Variants in SEC31A observed in about 807,000 individuals in gnomAD.
SEC31A encodes protein transport protein Sec31A.
Under a neutral mutation model 151.0 loss-of-function variants are expected in SEC31A, and 70 were observed. The ratio of observed to expected loss-of-function variants is 0.46; its 90% confidence interval spans 0.38 to 0.57. SEC31A has a LOEUF of 0.57. SEC31A is among the 20% of genes least tolerant of loss of function. The pLI, the probability that SEC31A is intolerant of heterozygous loss-of-function variation, is 0.00. For synonymous variants in SEC31A, 475 were observed against 505.9 expected (o/e 0.94, Z 0.82); for missense variants, 1,330 against 1,471.2 (o/e 0.90, Z 1.57).
At chr4:82,839,333 TA>T (rs1188302780) in intron 22 of SEC31A, among the ~76,000 whole-genome samples, 1 of 152,234 alleles carries the variant, frequency 6.6e-6, no homozygotes, top group Non-Finnish European at 1.5e-5. Context: ...GTGTTTTTCG[TA>T]GAGACGGGGT....
At chr4:82,825,951 T>C (rs1203997242) in intron 24 of SEC31A, among the ~76,000 whole-genome samples, 1 of 152,206 alleles carries the variant, frequency 6.6e-6, no homozygotes, top group Non-Finnish European at 1.5e-5. Context: ...GAAAAGATTA[T>C]GGTGCCACTC....
intron 9 of SEC31A, 40 bp from the exon 10 acceptor site, chr4:82,867,000 C>T: frequency 6.3e-7 from 1 of 1,587,710 alleles, no homozygotes; most frequent in Non-Finnish European, 8.5e-7. Context: ...CGACCATACA[C>T]AAAGTTTCAT....
At chr4:82,889,185 T>C (rs1367666592) in intron 1 of SEC31A, among the ~76,000 whole-genome samples, 1 of 152,224 alleles carries the variant, frequency 6.6e-6, no homozygotes, top group African/African-American at 2.4e-5. Flanking sequence ...TAATCTTCAG[T>C]ATAATAAAAC....
rs779584210 is a variant in SEC31A at position 82,874,608 on chromosome 4, TACTC to T, written c.638_639+2del. 1 of 1,603,048 alleles carries T rather than the reference TACTC, an allele frequency of 6.2e-7. No individual in the cohort carries two copies. The highest frequency in any genetic ancestry group is 1.8e-5 in the Admixed American group (1 of 55,374). ...GTTCATCACAAGTCAATCACATACTTACTCTGTTACTATGGTCACTGACTTTGAT... is the reference window on the plus strand; with the variant it reads ...GTTCATCACAAGTCAATCACATACTTTGTTACTATGGTCACTGACTTTGAT... On this transcript the variant is annotated splice_donor_variant and coding_sequence_variant, in exon 6 of 27. Coordinates refer to ENST00000395310, the MANE Select transcript of SEC31A (RefSeq NM_001077207.4). LOFTEE classifies it high-confidence loss of function.
chr4:82,836,484 G>T (rs1727336378), intron 22 of SEC31A, among the ~76,000 whole-genome samples: 1 of 151,748 alleles, frequency 6.6e-6, no homozygotes, highest in African/African-American at 2.4e-5. Context: ...TCTATCGGCA[G>T]ATGAATAACA....
At chr4:82,886,375 G>A (rs529583204) in intron 1 of SEC31A, among the ~76,000 whole-genome samples, 7 of 152,216 alleles carry the variant, frequency 4.6e-5, no homozygotes, top group African/African-American at 1.2e-4. Context: ...TTCTACATTC[G>A]TAAAATAGGG....
intron 1 of SEC31A, among the ~76,000 whole-genome samples, chr4:82,888,352 A>C (rs1176280483): frequency 1.6e-5 from 1 of 62,254 alleles, no homozygotes; most frequent in Non-Finnish European, 3.9e-5. Flanking sequence ...CTCCGTCTCA[A>C]AAAAAAAAAA....
chr4:82,878,716 G>A lies in SEC31A; in HGVS notation c.402+14C>T. The A allele has an allele frequency of 6.2e-7, 1 of 1,602,120 alleles. No individual in the cohort carries two copies. Among genetic ancestry groups the A allele is most frequent in the South Asian group, 1.1e-5 (1 of 90,762 alleles). ...GCACATAGTCTAAGAATTATGAAAT[G>A]TTAAAGTCTTAACCTGGAAAATGTT... On this transcript the variant is annotated intron_variant, in intron 4 of 26. Transcript: ENST00000395310.
rs2125911022 is a variant in SEC31A at position 82,886,071 on chromosome 4, T to A, written c.-4-4131A>T. ...CAGAGCCAAGATTGGAACTTGCAAG[T>A]TTAGCTCCAGAGTTCTTTCTACTTC... On this transcript the variant is annotated intron_variant, in intron 1 of 26. Coordinates refer to ENST00000395310, the MANE Select transcript of SEC31A (RefSeq NM_001077207.4). 2.0e-5 allele frequency among the ~76,000 whole-genome samples: 3 copies of A among 152,304 alleles called. No homozygotes were observed. In the South Asian group the frequency reaches 6.2e-4, roughly 32 times the overall value.
intron 24 of SEC31A, among the ~76,000 whole-genome samples, chr4:82,825,341 G>A (rs1724310496): frequency 6.6e-6 from 1 of 152,222 alleles, no homozygotes; most frequent in African/African-American, 2.4e-5. Flanking sequence ...GAGTTTACAG[G>A]TTAATGGAAG....
At chr4:82,882,596 C>A (rs942990620) in intron 1 of SEC31A, among the ~76,000 whole-genome samples, 5 of 151,930 alleles carry the variant, frequency 3.3e-5, no homozygotes, top group African/African-American at 1.2e-4. Context: ...GGATGGATGA[C>A]AAAACATTAC....
At chr4:82,872,938 C>G (rs1043207840) in intron 6 of SEC31A, among the ~76,000 whole-genome samples, 3 of 152,160 alleles carry the variant, frequency 2.0e-5, no homozygotes, top group African/African-American at 7.2e-5. Flanking sequence ...CTACTGAGCT[C>G]AGGCAATTCG....
intron 19 of SEC31A, among the ~76,000 whole-genome samples, chr4:82,850,253 T>C (rs907652927): frequency 6.6e-6 from 1 of 152,288 alleles, no homozygotes; most frequent in Admixed American, 6.5e-5. Flanking sequence ...TATACCTCAA[T>C]ATAACTATTT....
chr4:82,885,074 C>CA (rs1417603880), intron 1 of SEC31A, among the ~76,000 whole-genome samples: 1 of 152,168 alleles, frequency 6.6e-6, no homozygotes, highest in Admixed American at 6.5e-5. Context: ...TTCTTTGTCT[C>CA]AAATAATGAC....
chr4:82,898,194 G>T (rs1315423415), intron 3 of SEC31A: 4 of 152,208 alleles, frequency 2.6e-5, no homozygotes, highest in African/African-American at 9.7e-5. Context: ...TATGTGAACA[G>T]CAGTGAAAAG....
chr4:82,819,029 T>G lies in SEC31A; in HGVS notation c.*45A>C. 6.5e-7 allele frequency: 1 copy of G among 1,530,122 alleles called. No individual in the cohort carries two copies. Among genetic ancestry groups the G allele is most frequent in the Non-Finnish European group, 8.8e-7 (1 of 1,136,262 alleles). The allele number at this position is 1,530,122 out of a possible 1,614,324, so 94.8% of individuals were successfully genotyped here. A position where few individuals can be genotyped will look rare whatever the true frequency, so the allele number is the denominator to read the frequency against. On this transcript the variant is annotated 3_prime_UTR_variant, in exon 27 of 27. Coordinates refer to ENST00000395310, the MANE Select transcript of SEC31A (RefSeq NM_001077207.4). ...CTTATAATTTTTTTTTTTAACATGT[T>G]TCTTTGGAAAAATGGCAATATTGAG...
chr4:82,842,248 G>A lies in SEC31A; in HGVS notation c.2860C>T (p.Gln954Ter). 1 of 1,613,970 alleles carries A rather than the reference G, an allele frequency of 6.2e-7. No individual in the cohort carries two copies. The highest frequency in any genetic ancestry group is 8.5e-7 in the Non-Finnish European group (1 of 1,179,918). The change falls in exon 22 of 27, where the codon CAG becomes TAG. Residue 954 changes from glutamine to a stop codon, truncating the protein, a stop_gained. Transcript: ENST00000395310. LOFTEE classifies it high-confidence loss of function. ...PPPPSSGASF[Q>*]HGGPGAPPSS... ...GGTGGAGCTCCTGGTCCGCCATGCT[G>A]GAAGGATGCTCCAGAGGAAGGGGGA... is the stretch of plus-strand genomic sequence containing the variant.
intron 1 of SEC31A, among the ~76,000 whole-genome samples, chr4:82,885,644 A>T: frequency 6.6e-6 from 1 of 152,202 alleles, no homozygotes; most frequent in East Asian, 1.9e-4. Context: ...TGTCAGCTTT[A>T]AATGATGTCC....
intron 19 of SEC31A, among the ~76,000 whole-genome samples, chr4:82,850,426 C>A (rs1369822825): frequency 6.6e-6 from 1 of 152,040 alleles, no homozygotes; most frequent in East Asian, 1.9e-4. Flanking sequence ...ACAAAACCAA[C>A]TAGAGAGTCC....
Sources: gnomAD v4.1 joint callset for allele counts (sites outside exome capture counted in the v4.1 genomes callset) on GRCh38, gnomAD v4.1.1 for gene constraint, MANE v1.5 for transcripts, NCBI Gene and HGNC (gene_info 2026-07-23, HGNC 2026-07-21) for gene names.